The following MOSMO variants were observed in gnomAD, a reference collection of about 807,000 sequenced individuals.
The protein encoded by MOSMO is modulator of smoothened.
In MOSMO, 5 loss-of-function variants were observed where a neutral mutation model predicts 18.4. The ratio of observed to expected loss-of-function variants is 0.27; its 90% CI spans 0.14 to 0.57. The LOEUF (loss-of-function observed/expected upper bound fraction) is 0.57. Among genes scored for constraint, MOSMO ranks in the 20% least tolerant of loss-of-function variants. The pLI, the probability that MOSMO is intolerant of heterozygous loss-of-function variation, is 0.92. For synonymous variants in MOSMO, 82 were observed against 82.3 expected (o/e 1.00, Z 0.02); for missense variants, 138 against 211.8 (o/e 0.65, Z 2.16).
chr16:22,068,581 T>C (rs895808019), intron 1 of MOSMO, among the ~76,000 whole-genome samples: 1 of 152,242 alleles, frequency 6.6e-6, no homozygotes, highest in Non-Finnish European at 1.5e-5. Flanking sequence ...TCTGCCTCTT[T>C]GGATTTGCCT....
intron 1 of MOSMO, among the ~76,000 whole-genome samples, chr16:22,055,513 A>G (rs1900515070): frequency 6.6e-6 from 1 of 152,202 alleles, no homozygotes. Context: ...GCAAACTTTT[A>G]AAGGAACTAG....
intron 1 of MOSMO, among the ~76,000 whole-genome samples, chr16:22,030,132 C>A (rs1476881554): frequency 6.6e-6 from 1 of 152,134 alleles, no homozygotes; most frequent in Non-Finnish European, 1.5e-5. Context: ...CAAAGGACAT[C>A]ATTGTGTTAT....
chr16:22,056,285 G>C (rs1366622127), intron 1 of MOSMO, among the ~76,000 whole-genome samples: 2 of 150,756 alleles, frequency 1.3e-5, no homozygotes, highest in Admixed American at 1.3e-4. Context: ...CCTGAGTTCA[G>C]ACATTAATTG....
At chr16:22,060,601 G>C (rs1023238958) in intron 1 of MOSMO, among the ~76,000 whole-genome samples, 1 of 152,108 alleles carries the variant, frequency 6.6e-6, no homozygotes, top group African/African-American at 2.4e-5. Flanking sequence ...GGCCGGGCAC[G>C]GTGGCTCACA....
At chr16:22,037,798 G>A (rs1900136783) in intron 1 of MOSMO, among the ~76,000 whole-genome samples, 1 of 152,196 alleles carries the variant, frequency 6.6e-6, no homozygotes, top group African/African-American at 2.4e-5. Context: ...GGGGCGGGAA[G>A]CTTCCGTGCC....
At chr16:22,009,405 G>A (rs1773074922) in intron 1 of MOSMO, among the ~76,000 whole-genome samples, 1 of 151,992 alleles carries the variant, frequency 6.6e-6, no homozygotes, top group African/African-American at 2.4e-5. Flanking sequence ...TTTCTGAAGG[G>A]TACCCCAGGT....
intron 1 of MOSMO, among the ~76,000 whole-genome samples, chr16:22,059,359 C>A (rs1223631516): frequency 6.6e-6 from 1 of 152,130 alleles, no homozygotes; most frequent in Non-Finnish European, 1.5e-5. Context: ...TTGGGCATCT[C>A]TCAGAGACAG....
At chr16:22,008,584 G>T (rs1899443529) in intron 1 of MOSMO, among the ~76,000 whole-genome samples, 177 bp downstream of exon 1, 1 of 151,568 alleles carries the variant, frequency 6.6e-6, no homozygotes, top group Admixed American at 6.6e-5. Context: ...AGAGGAAGCC[G>T]CCGGGCGCCA....
chr16:22,066,344 G>C (rs1012431965), intron 1 of MOSMO, among the ~76,000 whole-genome samples: 10 of 152,180 alleles, frequency 6.6e-5, no homozygotes, highest in Non-Finnish European at 5.9e-5. Flanking sequence ...AAGACTGACA[G>C]GCAAACATAA....
rs758868178 is a variant in MOSMO, at chr16:22,008,274, C to CG, written c.-22dup. 2.1e-5 allele frequency: 26 copies of CG among 1,263,566 alleles called. No individual in the cohort carries two copies. The African/African-American group carries it at 5.0e-4, about 24-fold the overall frequency. The allele number at this position is 1,263,566 out of a possible 1,614,324, so 78.3% of individuals were successfully genotyped here. On this transcript the variant is annotated 5_prime_UTR_variant, in exon 1 of 3. Transcript: ENST00000542527. ...GTGAGGCCGCTGCCTGTCCGGGGCTCGGGGGGTGGGGGGAGCGGGGCGGGG... is the reference window on the plus strand; with the variant it reads ...GTGAGGCCGCTGCCTGTCCGGGGCTCGGGGGGGTGGGGGGAGCGGGGCGGGG...
intron 1 of MOSMO, among the ~76,000 whole-genome samples, chr16:22,040,282 G>A (rs2142002369): frequency 6.6e-6 from 1 of 152,252 alleles, no homozygotes; most frequent in Non-Finnish European, 1.5e-5. Context: ...GTGGAAGAAG[G>A]GAGAGGATCA....
chr16:22,078,286 A>G (rs1026850857), intron 2 of MOSMO, among the ~76,000 whole-genome samples: 2 of 152,214 alleles, frequency 1.3e-5, no homozygotes, highest in African/African-American at 4.8e-5. Context: ...TATTATCAGC[A>G]TTAATAATAT....
intron 1 of MOSMO, among the ~76,000 whole-genome samples, chr16:22,065,029 T>C (rs1900722987): frequency 1.3e-5 from 2 of 152,228 alleles, no homozygotes; most frequent in South Asian, 4.1e-4. Context: ...TCTGGTAGCA[T>C]GTTGTACTTG....
At chr16:22,022,272 C>T (rs927781898) in intron 1 of MOSMO, among the ~76,000 whole-genome samples, 4 of 152,000 alleles carry the variant, frequency 2.6e-5, no homozygotes, top group Admixed American at 2.0e-4. Context: ...GTTCTCCCGC[C>T]CTGACCTCCC....
chr16:22,011,861 C>G (rs972626735), intron 1 of MOSMO, among the ~76,000 whole-genome samples: 2 of 147,776 alleles, frequency 1.4e-5, no homozygotes, highest in Non-Finnish European at 3.0e-5. Context: ...CAGTATGTTC[C>G]TTGGTTTACC....
chr16:22,053,338 A>G (rs941675209), intron 1 of MOSMO, among the ~76,000 whole-genome samples: 1 of 152,054 alleles, frequency 6.6e-6, no homozygotes, highest in East Asian at 1.9e-4. Context: ...ACCTTATGCA[A>G]TTTTAGAAAT....
intron 1 of MOSMO, among the ~76,000 whole-genome samples, chr16:22,050,887 G>GAAAAAAAAAAAAAAAAA (rs34532029): frequency 1.4e-5 from 1 of 70,488 alleles, no homozygotes. Flanking sequence ...TGTCTCTTAA[G>GAAAAAAAAAAAAAAAAA]AAAAAAAAAA....
intron 1 of MOSMO, among the ~76,000 whole-genome samples, chr16:22,051,709 AAG>A (rs1900430942): frequency 6.6e-6 from 1 of 152,160 alleles, no homozygotes; most frequent in South Asian, 2.1e-4. Context: ...TAAACCCAAA[AAG>A]GGGATTGTGG....
chr16:22,011,905 C>T (rs1185936548), intron 1 of MOSMO, among the ~76,000 whole-genome samples: 2 of 143,590 alleles, frequency 1.4e-5, no homozygotes, highest in African/African-American at 2.5e-5. Context: ...TACAGTCTCA[C>T]CTGAGCAGGC....
Sources: allele counts gnomAD v4.1 joint callset (sites outside exome capture counted in the v4.1 genomes callset), GRCh38; gene constraint gnomAD v4.1.1; transcripts MANE v1.5; gene names NCBI Gene and HGNC (gene_info 2026-07-23, HGNC 2026-07-21).